The following CBLIF variants were observed in gnomAD, a reference collection of about 807,000 sequenced individuals.
The protein encoded by CBLIF is cobalamin binding intrinsic factor.
In CBLIF, 24 loss-of-function variants were observed where a neutral mutation model predicts 44.9. That is an observed-to-expected ratio of 0.53 (90% CI 0.39 to 0.75). The LOEUF (loss-of-function observed/expected upper bound fraction) is 0.75, where lower values mean the gene tolerates loss of function less well. Among genes scored for constraint, CBLIF ranks in the 30% least tolerant of loss-of-function variants. The probability of loss-of-function intolerance (pLI) is 0.00; values close to 1 mark genes in which losing one functional copy is unlikely to be tolerated. For synonymous variants in CBLIF, 183 were observed against 190.9 expected (o/e 0.96, Z 0.34); for missense variants, 481 against 513.0 (o/e 0.94, Z 0.60).
In CBLIF at chr11:59,843,901, C is replaced by G; in HGVS notation, c.234G>C (p.Gln78His). Residue 78 changes from glutamine to histidine, a missense_variant, in exon 2 of 9, where the codon CAG becomes CAC. Gln to His is a conservative substitution (Grantham distance 24). Coordinates refer to ENST00000257248, the MANE Select transcript of CBLIF (RefSeq NM_005142.3). ...NLKAQKLLTY[Q>H]LMSSDNNDLT... is the part of the protein sequence containing the mutation. The stretch of plus-strand genomic sequence containing the variant: ...CACCGTTGTTGTCGCTGGACATGAG[C>G]TGGTAAGTCAGGAGCTTCTGGGCCT... 1 of 1,613,582 alleles carries G rather than the reference C, an allele frequency of 6.2e-7. No homozygotes were observed. Among genetic ancestry groups the G allele is most frequent in the Non-Finnish European group, 8.5e-7 (1 of 1,179,684 alleles).
intron 7 of CBLIF, among the ~76,000 whole-genome samples, chr11:59,835,329 G>C (rs1166028399): frequency 5.9e-5 from 9 of 151,978 alleles, no homozygotes; most frequent in Non-Finnish European, 1.2e-4. Context: ...GTTTTTAGTA[G>C]AGACGGGGTT....
At chr11:59,837,419 C>T in intron 5 of CBLIF, 68 bp from the exon 6 acceptor site, 1 of 1,137,080 alleles carries the variant, frequency 8.8e-7, no homozygotes, top group South Asian at 1.3e-5. Context: ...TCTTACATGT[C>T]TTAAGAGATA....
intron 7 of CBLIF, among the ~76,000 whole-genome samples, chr11:59,834,832 C>G (rs1701906207): frequency 6.6e-6 from 1 of 152,004 alleles, no homozygotes; most frequent in Admixed American, 6.6e-5. Context: ...TTCTCTTGAC[C>G]TCTATGTCCC....
chr11:59,841,013 C>A, intron 5 of CBLIF, 130 bp downstream of exon 5: 1 of 782,252 alleles, frequency 1.3e-6, no homozygotes. Context: ...GGCCCAGGCA[C>A]CACAAAGAAT....
In CBLIF at chr11:59,841,197, C is replaced by A. The variant is rs868470204; in HGVS notation, c.639G>T (p.Lys213Asn). Residue 213 changes from lysine (K) to asparagine (N), a missense_variant, in exon 5 of 9, where the codon AAG (lysine) becomes AAT (asparagine). Transcript: ENST00000257248. ...CTCCAATGATGCCATTATCTTTGAT[C>A]TTCATGCTGATTTTCTCCACAATAT... is the stretch of plus-strand genomic sequence containing the variant. ...LKDIVEKISM[K>N]IKDNGIIGDI... is the part of the protein sequence containing the mutation. 6.2e-7 allele frequency: 1 copy of A among 1,613,734 alleles called. No individual in the cohort carries two copies. The highest frequency in any genetic ancestry group is 1.1e-5 in the South Asian group (1 of 91,080).
rs997139934 is a variant in CBLIF, at chr11:59,831,703, A to G, written c.1167T>C (p.Leu389=). 1 of 1,570,420 alleles carries G rather than the reference A, an allele frequency of 6.4e-7. No homozygotes were observed. Among genetic ancestry groups the G allele is most frequent in the Non-Finnish European group, 8.8e-7 (1 of 1,140,286 alleles). ...NVNHKTYWQF[L]SGVTPLNEGV... is the part of the protein sequence containing the mutation. ...CTTCATTCAAAGGTGTTACACCACT[A>G]AGAAACTGCCAGTATGTCTTGTGAT... The change falls in exon 8 of 9, where the codon CTT becomes CTC. Residue 389 remains leucine (L), a synonymous_variant. Coordinates refer to ENST00000257248, the MANE Select transcript of CBLIF (RefSeq NM_005142.3).
At chr11:59,832,420 C>T (rs1386361594) in intron 7 of CBLIF, among the ~76,000 whole-genome samples, 2 of 151,930 alleles carry the variant, frequency 1.3e-5, no homozygotes, top group Non-Finnish European at 2.9e-5. Context: ...ACAACAAACC[C>T]CCATGACACA....
Position 59,831,748 on chromosome 11 carries a change from G to C in CBLIF, c.1122C>G (p.Asn374Lys). ...TGTGATTAACATTTTCCGCGATATT[G>C]TTGATAGAAGAGACGACAAGGCCCC... The part of the protein sequence containing the change: ...TSWGLVVSSI[N>K]NIAENVNHKT... Residue 374 changes from asparagine (N) to lysine (K), a missense_variant, in exon 8 of 9, where the codon AAC becomes AAG. Transcript: ENST00000257248. 6.2e-7 allele frequency: 1 copy of C among 1,608,946 alleles called. No homozygotes were observed. The highest frequency in any genetic ancestry group is 8.5e-7 in the Non-Finnish European group (1 of 1,175,332).
intron 4 of CBLIF, 103 bp downstream of exon 4, chr11:59,842,340 C>T (rs1866543240): frequency 7.8e-7 from 1 of 1,286,296 alleles, no homozygotes; most frequent in Non-Finnish European, 1.1e-6. Context: ...TCCTTAGCTC[C>T]TCCTCCATGG....
Position 59,841,177 on chromosome 11 carries a change from A to G in CBLIF, c.659T>C (p.Ile220Thr), listed in dbSNP as rs779633204. Residue 220 changes from isoleucine to threonine, a missense_variant, in exon 5 of 9, where the codon ATT becomes ACT. Physicochemically the swap from Ile to Thr is moderately conservative, Grantham distance 89. Coordinates refer to ENST00000257248, the MANE Select transcript of CBLIF (RefSeq NM_005142.3). ...ISMKIKDNGI[I>T]GDIYSTGLAM... ...GAGGCCAGTACTGTAGATGTCTCCA[A>G]TGATGCCATTATCTTTGATCTTCAT... is the stretch of plus-strand genomic sequence containing the variant. The G allele has an allele frequency of 8.1e-6, 13 of 1,613,760 alleles. No individual in the cohort carries two copies. The highest frequency in any genetic ancestry group is 3.3e-5 in the Admixed American group (2 of 60,002).
rs754147959 is a variant in CBLIF, at chr11:59,835,990, A to G, written c.891T>C (p.Thr297=). The G allele has an allele frequency of 5.0e-6, 8 of 1,614,002 alleles. No homozygotes were observed. Among genetic ancestry groups the G allele is most frequent in the East Asian group, 4.5e-5 (2 of 44,900 alleles). The change falls in exon 7 of 9, where the codon ACT becomes ACC. Residue 297 remains threonine, a synonymous_variant. Coordinates refer to ENST00000257248, the MANE Select transcript of CBLIF (RefSeq NM_005142.3). The part of the protein sequence containing the change: ...TCSPDHEVQP[T]LPSNPGPGPT... ...GGCCAGGGCCAGGGTTGCTGGGTAG[A>G]GTTGGTTGTACCTCATGATCTGTGA...
chr11:59,845,495 T>C lies in CBLIF; in HGVS notation c.-42A>G. Reference sequence around the variant, plus strand: ...TGTCTCTCATCCACAGGTACCGCGATTTGCAAGTGGAATATTTCTTTACCT... The same window carrying C: ...TGTCTCTCATCCACAGGTACCGCGACTTGCAAGTGGAATATTTCTTTACCT... On this transcript the variant is annotated 5_prime_UTR_variant, in exon 1 of 9. Coordinates refer to ENST00000257248, the MANE Select transcript of CBLIF (RefSeq NM_005142.3). 8.0e-7 allele frequency: 1 copy of C among 1,245,716 alleles called. No homozygotes were observed. Among genetic ancestry groups the C allele is most frequent in the Non-Finnish European group, 1.2e-6 (1 of 844,870 alleles). The allele number at this position is 1,245,716 out of a possible 1,614,324, so 77.2% of individuals were successfully genotyped here.
chr11:59,830,585 G>A (rs1181982656), intron 8 of CBLIF, among the ~76,000 whole-genome samples: 2 of 151,976 alleles, frequency 1.3e-5, no homozygotes, highest in Non-Finnish European at 2.9e-5. Flanking sequence ...TATGTTTATG[G>A]GGTATATGGG....
chr11:59,841,910 G>A (rs113020221), intron 4 of CBLIF, among the ~76,000 whole-genome samples: 1,582 of 152,252 alleles, frequency 0.01, 26 homozygotes, highest in African/African-American at 0.036. Flanking sequence ...AGAGGGAAAA[G>A]CTTCTATTCA....
rs1354234013 is a variant in CBLIF at position 59,829,441 on chromosome 11, C to A, written c.*43G>T. ...AAAATGAAGTGGAAAAAATTTCACCCATCCTTTGGAGATGTTTGATAGAAG... is the reference window on the plus strand; with the variant it reads ...AAAATGAAGTGGAAAAAATTTCACCAATCCTTTGGAGATGTTTGATAGAAG... On this transcript the variant is annotated 3_prime_UTR_variant, in exon 9 of 9. Coordinates refer to ENST00000257248, the MANE Select transcript of CBLIF (RefSeq NM_005142.3). The A allele has an allele frequency of 7.8e-7, 1 of 1,275,184 alleles. No homozygotes were observed. The highest frequency in any genetic ancestry group is 1.1e-6 in the Non-Finnish European group (1 of 870,320). 79.0% of individuals were successfully genotyped at this position (1,275,184 alleles called of 1,614,324 possible).
chr11:59,835,781 A>C (rs1383830218), intron 7 of CBLIF, 27 bp downstream of exon 7: 1 of 1,530,334 alleles, frequency 6.5e-7, no homozygotes, highest in East Asian at 2.2e-5. Context: ...CCTTGAGAGA[A>C]TGATGAATGA....
Position 59,837,281 on chromosome 11 carries a change from T to C in CBLIF, c.764A>G (p.Asn255Ser), listed in dbSNP as rs35867471. ...NCKKTTDMIL[N>S]EIKQGKFHNP... The stretch of plus-strand genomic sequence containing the variant: ...GTGGAATTTCCCCTGCTTAATCTCA[T>C]TGAGTATCATATCCGTAGTCTTCTT... The change falls in exon 6 of 9, where the codon AAT becomes AGT. Residue 255 changes from asparagine to serine, a missense_variant. Coordinates refer to ENST00000257248, the MANE Select transcript of CBLIF (RefSeq NM_005142.3). 7,058 of 1,612,854 alleles carry C rather than the reference T, an allele frequency of 4.4e-3. 297 individuals carry two copies. The African/African-American group carries it at 0.085, about 19-fold the overall frequency.
At chr11:59,837,614 C>G (rs550462917) in intron 5 of CBLIF, among the ~76,000 whole-genome samples, 5 of 152,214 alleles carry the variant, frequency 3.3e-5, no homozygotes. Context: ...GTCATATTTA[C>G]GAACGACTCT....
At chr11:59,830,655 A>G (rs1866362297) in intron 8 of CBLIF, among the ~76,000 whole-genome samples, 1 of 152,150 alleles carries the variant, frequency 6.6e-6, no homozygotes, top group Admixed American at 6.6e-5. Context: ...AATAATAATG[A>G]TGATTAATAT....
Sources: allele counts gnomAD v4.1 joint callset (sites outside exome capture counted in the v4.1 genomes callset), GRCh38; gene constraint gnomAD v4.1.1; transcripts MANE v1.5; gene names NCBI Gene and HGNC (gene_info 2026-07-23, HGNC 2026-07-21).